Variants in CCDC91 observed in about 807,000 individuals in gnomAD.
CCDC91 encodes the protein coiled-coil domain containing 91.
Under a neutral mutation model 63.2 loss-of-function variants are expected in CCDC91, and 48 were observed. The ratio of observed to expected loss-of-function variants is 0.76; its 90% CI spans 0.60 to 0.97. The LOEUF (loss-of-function observed/expected upper bound fraction) is 0.97. CCDC91 is among the 50% of genes least tolerant of loss of function. The pLI is 0.00. For missense variants in CCDC91, 500 were observed against 494.6 expected (o/e 1.01, Z -0.10); for synonymous variants, 167 against 165.8 (o/e 1.01, Z -0.06).
chr12:28,421,355 C>T (rs1226983788), intron 8 of CCDC91, among the ~76,000 whole-genome samples: 2 of 151,986 alleles, frequency 1.3e-5, no homozygotes, highest in African/African-American at 2.4e-5. Context: ...TCCTCTCCCT[C>T]TTCCCACCCT....
chr12:28,338,372 G>C (rs181679129), intron 6 of CCDC91, among the ~76,000 whole-genome samples: 1 of 151,448 alleles, frequency 6.6e-6, no homozygotes, highest in East Asian at 1.9e-4. Flanking sequence ...ACAATGTGCA[G>C]GTTTGTTACA....
At chr12:28,455,554 C>T (rs1419766324) in intron 11 of CCDC91, among the ~76,000 whole-genome samples, 1 of 152,048 alleles carries the variant, frequency 6.6e-6, no homozygotes, top group Non-Finnish European at 1.5e-5. Flanking sequence ...CAAAAGCTGA[C>T]AGATCATTAT....
chr12:28,364,508 G>A (rs531378506), intron 7 of CCDC91, among the ~76,000 whole-genome samples: 194 of 152,244 alleles, frequency 1.3e-3, no homozygotes, highest in Middle Eastern at 3.4e-3. Flanking sequence ...TTGAGTTGAG[G>A]AAAAGTCCTA....
At chr12:28,380,574 T>C (rs990900383) in intron 7 of CCDC91, among the ~76,000 whole-genome samples, 10 of 152,200 alleles carry the variant, frequency 6.6e-5, no homozygotes, top group African/African-American at 2.4e-4. Flanking sequence ...ATTAGTTTCT[T>C]CCAAGGGCCA....
At chr12:28,257,290 T>C in intron 2 of CCDC91, 45 bp downstream of exon 2, 1 of 1,253,164 alleles carries the variant, frequency 8.0e-7, no homozygotes, top group East Asian at 2.3e-5. Flanking sequence ...TTTGTGGGAT[T>C]ATAATGGAGT....
chr12:28,472,846 G>A (rs1414122690), intron 11 of CCDC91, among the ~76,000 whole-genome samples: 1 of 152,106 alleles, frequency 6.6e-6, no homozygotes. Context: ...ATGCATAAGT[G>A]GATTTGGAAA....
intron 3 of CCDC91, among the ~76,000 whole-genome samples, chr12:28,265,524 C>T (rs1007238784): frequency 5.3e-5 from 8 of 151,996 alleles, no homozygotes; most frequent in African/African-American, 9.7e-5. Flanking sequence ...AGACAGATGC[C>T]TTTTGGATTT....
At chr12:28,411,539 T>C (rs1310989398) in intron 8 of CCDC91, among the ~76,000 whole-genome samples, 1 of 152,220 alleles carries the variant, frequency 6.6e-6, no homozygotes, top group African/African-American at 2.4e-5. Flanking sequence ...CTTTGTCATA[T>C]TTCACTTTCT....
intron 2 of CCDC91, among the ~76,000 whole-genome samples, chr12:28,257,609 A>G (rs534356181): frequency 6.6e-6 from 1 of 152,236 alleles, no homozygotes; most frequent in East Asian, 1.9e-4. Flanking sequence ...AGATCCTGTC[A>G]CATATTTGCA....
chr12:28,486,341 T>C (rs1951724811), intron 12 of CCDC91, among the ~76,000 whole-genome samples: 1 of 152,210 alleles, frequency 6.6e-6, no homozygotes, highest in Admixed American at 6.5e-5. Flanking sequence ...AATGGTATTT[T>C]GTTGTACATA....
At chr12:28,481,844 T>C (rs1018891421) in intron 11 of CCDC91, among the ~76,000 whole-genome samples, 10 of 151,944 alleles carry the variant, frequency 6.6e-5, no homozygotes, top group African/African-American at 1.9e-4. Flanking sequence ...CCTCAAAAAT[T>C]TCAACTGAGA....
At chr12:28,507,727 A>T (rs1938907052) in intron 12 of CCDC91, among the ~76,000 whole-genome samples, 1 of 151,956 alleles carries the variant, frequency 6.6e-6, no homozygotes, top group South Asian at 2.1e-4. Context: ...ACTAGGTACT[A>T]GTACAGTCTT....
chr12:28,477,421 C>G lies in CCDC91; in HGVS notation c.1102-6631C>G, dbSNP rs184104656. On this transcript the variant is annotated intron_variant, in intron 11 of 12. Transcript: ENST00000536442. ...AAGGCCTTTGACAAAATTCAACAACCCTTCATGCTAAAAACTCTCAATAAA... is the reference window on the plus strand; with the variant it reads ...AAGGCCTTTGACAAAATTCAACAACGCTTCATGCTAAAAACTCTCAATAAA... Among the ~76,000 whole-genome samples, 130 of 152,130 alleles carry G rather than the reference C, an allele frequency of 8.5e-4. 2 individuals carry two copies. The East Asian group carries it at 0.021, about 24-fold the overall frequency.
chr12:28,503,540 A>T (rs968757997), intron 12 of CCDC91, among the ~76,000 whole-genome samples: 1 of 152,100 alleles, frequency 6.6e-6, no homozygotes, highest in African/African-American at 2.4e-5. Flanking sequence ...TTCCTCAGGG[A>T]TCTAGAACTA....
intron 12 of CCDC91, among the ~76,000 whole-genome samples, chr12:28,491,496 A>G (rs1349948330): frequency 1.3e-5 from 2 of 151,772 alleles, no homozygotes; most frequent in African/African-American, 2.4e-5. Flanking sequence ...ATAAAGACCA[A>G]ATGCATTATG....
chr12:28,274,561 C>G (rs1362581501), intron 3 of CCDC91, among the ~76,000 whole-genome samples: 1 of 152,060 alleles, frequency 6.6e-6, no homozygotes, highest in Admixed American at 6.6e-5. Context: ...CTTCACGTCC[C>G]TTGCACGTTG....
chr12:28,335,695 C>G (rs1392724192), intron 6 of CCDC91, among the ~76,000 whole-genome samples: 3 of 151,948 alleles, frequency 2.0e-5, no homozygotes, highest in Non-Finnish European at 4.4e-5. Flanking sequence ...CAGGAGCCAC[C>G]ACACCTGTCC....
intron 3 of CCDC91, among the ~76,000 whole-genome samples, chr12:28,267,990 T>C (rs1284399595): frequency 8.4e-6 from 1 of 119,640 alleles, no homozygotes; most frequent in East Asian, 2.1e-4. Context: ...CCAATCTTAA[T>C]TATATAATAC....
chr12:28,544,201 C>T (rs1394574919), intron 12 of CCDC91, among the ~76,000 whole-genome samples: 1 of 151,816 alleles, frequency 6.6e-6, no homozygotes, highest in Non-Finnish European at 1.5e-5. Flanking sequence ...TACCAGTCTC[C>T]TCCTTGGTAA....
Sources: gnomAD v4.1 joint callset for allele counts (sites outside exome capture counted in the v4.1 genomes callset) on GRCh38, gnomAD v4.1.1 for gene constraint, MANE v1.5 for transcripts, NCBI Gene and HGNC (gene_info 2026-07-23, HGNC 2026-07-21) for gene names.